The following NT5M variants were observed in gnomAD, a reference collection of about 807,000 sequenced individuals.
NT5M encodes the protein 5'(3')-deoxyribonucleotidase, mitochondrial.
In NT5M, 22 loss-of-function variants were observed where a neutral mutation model predicts 22.2. That is an observed-to-expected ratio of 0.99 (90% CI 0.71 to 1.41). The LOEUF (loss-of-function observed/expected upper bound fraction) is 1.41, where lower values mean the gene tolerates loss of function less well. NT5M is among the 40% of genes most tolerant of loss of function. The pLI is 0.00. For missense variants in NT5M, 322 were observed against 314.8 expected (o/e 1.02, Z -0.17); for synonymous variants, 167 against 133.0 (o/e 1.26, Z -1.76).
chr17:17,303,421 C>T lies in NT5M; in HGVS notation c.-130C>T, dbSNP rs2145298831. 3 of 982,446 alleles carry T rather than the reference C, an allele frequency of 3.1e-6. No individual in the cohort carries two copies. Among genetic ancestry groups the T allele is most frequent in the East Asian group, 1.1e-4 (1 of 9,156 alleles). The allele number at this position is 982,446 out of a possible 1,614,324, so 60.9% of individuals were successfully genotyped here. A position where few individuals can be genotyped will look rare whatever the true frequency, so the allele number is the denominator to read the frequency against. On this transcript the variant is annotated 5_prime_UTR_variant, in exon 1 of 5. Transcript: ENST00000389022. The stretch of plus-strand genomic sequence containing the variant: ...CCCGCACCCCGCGCTCCCCGCCCCG[C>T]TCCCCGTCCCGCGCTCCACGCGCGC...
chr17:17,311,813 A>T (rs919105601), intron 2 of NT5M, among the ~76,000 whole-genome samples: 1 of 152,206 alleles, frequency 6.6e-6, no homozygotes, highest in African/African-American at 2.4e-5. Context: ...AGTGAATTTT[A>T]TTCTGGTTTA....
intron 3 of NT5M, among the ~76,000 whole-genome samples, chr17:17,328,161 A>C (rs1001048019): frequency 6.6e-6 from 1 of 152,182 alleles, no homozygotes; most frequent in Non-Finnish European, 1.5e-5. Flanking sequence ...GCTGGACCAC[A>C]TAGGGTCAGT....
chr17:17,343,176 A>G (rs1228507831), intron 3 of NT5M, among the ~76,000 whole-genome samples: 1 of 152,118 alleles, frequency 6.6e-6, no homozygotes, highest in Non-Finnish European at 1.5e-5. Flanking sequence ...GAGTTCAGGG[A>G]AGGCTTAGGA....
At chr17:17,320,810 G>A (rs1050777954) in intron 2 of NT5M, among the ~76,000 whole-genome samples, 3 of 152,170 alleles carry the variant, frequency 2.0e-5, no homozygotes, top group South Asian at 2.1e-4. Context: ...GGCCAGGAGC[G>A]CAGGCTAGGA....
At chr17:17,316,302 G>A (rs2049025922) in intron 2 of NT5M, among the ~76,000 whole-genome samples, 1 of 140,108 alleles carries the variant, frequency 7.1e-6, no homozygotes, top group East Asian at 2.2e-4. Flanking sequence ...TTGACTTCCT[G>A]ACACCTTGGC....
intron 3 of NT5M, among the ~76,000 whole-genome samples, chr17:17,336,000 CTTTTTTTTT>C (rs1167144502): frequency 1.0e-5 from 1 of 98,932 alleles, no homozygotes; most frequent in Middle Eastern, 7.9e-3. Flanking sequence ...CTTATTCATT[CTTTTTTTTT>C]TTTTTTTTTT....
At chr17:17,316,656 G>A (rs1413591393) in intron 2 of NT5M, among the ~76,000 whole-genome samples, 1 of 150,972 alleles carries the variant, frequency 6.6e-6, no homozygotes, top group Non-Finnish European at 1.5e-5. Context: ...GATTACAGAA[G>A]TGAGCCACCG....
chr17:17,341,601 G>C (rs1300997935), intron 3 of NT5M, among the ~76,000 whole-genome samples: 1 of 152,220 alleles, frequency 6.6e-6, no homozygotes, highest in Non-Finnish European at 1.5e-5. Context: ...CAGACAACCT[G>C]CTGAGGGATA....
chr17:17,322,595 G>A (rs2049173040), intron 2 of NT5M, among the ~76,000 whole-genome samples: 1 of 152,192 alleles, frequency 6.6e-6, no homozygotes, highest in Admixed American at 6.5e-5. Context: ...AGCAAGACGT[G>A]CAGGAGGCAC....
intron 2 of NT5M, among the ~76,000 whole-genome samples, chr17:17,311,338 C>CAAA (rs11395505): frequency 1.4e-5 from 2 of 142,960 alleles, no homozygotes; most frequent in African/African-American, 5.2e-5. Flanking sequence ...GACTCTGTCT[C>CAAA]AAAAAAAAAA....
chr17:17,327,011 A>G (rs1284182487), intron 3 of NT5M, among the ~76,000 whole-genome samples: 6 of 151,932 alleles, frequency 3.9e-5, no homozygotes, highest in Non-Finnish European at 8.8e-5. Context: ...TCCCAAGTTC[A>G]AGTGATTCTC....
intron 3 of NT5M, among the ~76,000 whole-genome samples, chr17:17,327,075 C>CCAGAAACA (rs1567892140): frequency 1.1e-3 from 121 of 107,054 alleles, no homozygotes; most frequent in South Asian, 1.5e-3. Context: ...CCACACCCGG[C>CCAGAAACA]TAATTTTTTT....
intron 2 of NT5M, among the ~76,000 whole-genome samples, chr17:17,310,356 C>A (rs1193731565): frequency 6.6e-6 from 1 of 151,788 alleles, no homozygotes; most frequent in African/African-American, 2.4e-5. Flanking sequence ...CCAGCTGGGG[C>A]AACATAGTGA....
At chr17:17,345,040 C>A in intron 4 of NT5M, 132 bp downstream of exon 4, 2 of 1,361,652 alleles carry the variant, frequency 1.5e-6, no homozygotes, top group Non-Finnish European at 2.0e-6. Context: ...CTGAGCCCCT[C>A]CCCTTCGGGA....
chr17:17,311,338 CAA>C (rs11395505), intron 2 of NT5M, among the ~76,000 whole-genome samples: 2 of 142,910 alleles, frequency 1.4e-5, no homozygotes, highest in Admixed American at 7.0e-5. Flanking sequence ...GACTCTGTCT[CAA>C]AAAAAAAAAA....
At chr17:17,315,749 T>G (rs1371881443) in intron 2 of NT5M, among the ~76,000 whole-genome samples, 1 of 77,692 alleles carries the variant, frequency 1.3e-5, no homozygotes, top group Non-Finnish European at 2.5e-5. Flanking sequence ...TTAGGGTTTT[T>G]TTGTTTTTTT....
At chr17:17,319,019 T>A (rs2049095606) in intron 2 of NT5M, among the ~76,000 whole-genome samples, 1 of 151,912 alleles carries the variant, frequency 6.6e-6, no homozygotes, top group African/African-American at 2.4e-5. Flanking sequence ...GAGACCAGCC[T>A]GGGCAACATG....
intron 3 of NT5M, among the ~76,000 whole-genome samples, chr17:17,340,345 TTTTATTTATTTG>T (rs2049611279): frequency 1.3e-5 from 2 of 152,288 alleles, no homozygotes; most frequent in Admixed American, 1.3e-4. Context: ...TCATCTCTGA[TTTTATTTATTTG>T]GGTCTTCTCT....
intron 2 of NT5M, among the ~76,000 whole-genome samples, chr17:17,322,664 G>A (rs533807306): frequency 1.4e-3 from 209 of 146,946 alleles, no homozygotes; most frequent in African/African-American, 4.9e-3. Context: ...GGCTCCATTA[G>A]TGAGGGCTGG....
Sources: gnomAD v4.1 joint callset for allele counts (sites outside exome capture counted in the v4.1 genomes callset) on GRCh38, gnomAD v4.1.1 for gene constraint, MANE v1.5 for transcripts, NCBI Gene and HGNC (gene_info 2026-07-23, HGNC 2026-07-21) for gene names.